CRK: variants seen among roughly 807,000 people sequenced by gnomAD.
CRK encodes the protein adapter molecule crk.
Under a neutral mutation model 29.8 loss-of-function variants are expected in CRK, and 4 were observed. That is an observed-to-expected ratio of 0.13 (90% CI 0.07 to 0.31). The LOEUF is 0.31. Ranked by LOEUF, CRK falls within the 10% of genes least tolerant of loss-of-function variation. CRK has a pLI of 1.00. For missense variants in CRK, 274 were observed against 396.5 expected, an observed-to-expected ratio of 0.69 and a Z score of 2.62; for synonymous variants, 153 against 164.9, an observed-to-expected ratio of 0.93 and a Z score of 0.55.
intron 2 of CRK, among the ~76,000 whole-genome samples, chr17:1,424,073 T>G (rs913062892): frequency 2.7e-5 from 4 of 147,928 alleles, no homozygotes; most frequent in African/African-American, 1.0e-4. Context: ...CTCCGTTTTT[T>G]TTTTTTTTTT....
At chr17:1,423,713 A>C in intron 2 of CRK, 63 bp from the exon 3 acceptor site, 2 of 1,595,926 alleles carry the variant, frequency 1.3e-6, no homozygotes, top group Non-Finnish European at 1.7e-6. Flanking sequence ...GAACAACTCC[A>C]TTCTCTGGTT....
At chr17:1,450,486 TGGGCGACAGAGCGAGATTCTGTCTCAAA>T (rs1312138074) in intron 1 of CRK, among the ~76,000 whole-genome samples, 1 of 147,266 alleles carries the variant, frequency 6.8e-6, no homozygotes, top group Non-Finnish European at 1.5e-5. Flanking sequence ...CGGCCCGGCG[TGGGCGACAGAGCGAGATTCTGTCTCAAA>T]AAAAGAAAAA....
intron 2 of CRK, among the ~76,000 whole-genome samples, chr17:1,430,226 T>C (rs947387479): frequency 1.3e-5 from 2 of 151,762 alleles, no homozygotes; most frequent in African/African-American, 2.4e-5. Context: ...GTCTTTTTCA[T>C]AGAAATGGAG....
At chr17:1,441,243 G>C (rs2073932885) in intron 1 of CRK, among the ~76,000 whole-genome samples, 1 of 151,714 alleles carries the variant, frequency 6.6e-6, no homozygotes, top group Non-Finnish European at 1.5e-5. Flanking sequence ...TTTGTTTTTT[G>C]AGACAGGAGA....
At chr17:1,447,204 G>A (rs1261051211) in intron 1 of CRK, among the ~76,000 whole-genome samples, 1 of 152,102 alleles carries the variant, frequency 6.6e-6, no homozygotes, top group Non-Finnish European at 1.5e-5. Flanking sequence ...GCAGGAAATA[G>A]AAGGGCGGGA....
intron 2 of CRK, among the ~76,000 whole-genome samples, chr17:1,425,167 G>A (rs1465682166): frequency 6.6e-6 from 1 of 151,644 alleles, no homozygotes; most frequent in Non-Finnish European, 1.5e-5. Flanking sequence ...TCAGCTCACT[G>A]CAAGCTCTGC....
At chr17:1,433,511 T>A (rs2073862678) in intron 2 of CRK, among the ~76,000 whole-genome samples, 1 of 99,922 alleles carries the variant, frequency 1.0e-5, no homozygotes. Context: ...ACGCCTGGCT[T>A]TTTTTTTTTT....
intron 1 of CRK, among the ~76,000 whole-genome samples, chr17:1,447,724 T>C (rs2073986108): frequency 6.7e-6 from 1 of 149,402 alleles, no homozygotes; most frequent in South Asian, 2.2e-4. Context: ...CAAGCAATTC[T>C]CCCTTCCTTA....
At chr17:1,455,483 C>G (rs2074048816) in intron 1 of CRK, among the ~76,000 whole-genome samples, 1 of 152,198 alleles carries the variant, frequency 6.6e-6, no homozygotes, top group African/African-American at 2.4e-5. Context: ...CTAAAAGCCA[C>G]TTGTAGGATT....
chr17:1,446,653 G>A (rs554811926), intron 1 of CRK, among the ~76,000 whole-genome samples: 61 of 148,210 alleles, frequency 4.1e-4, no homozygotes, highest in Non-Finnish European at 7.5e-4. Flanking sequence ...CTGCAGTGGC[G>A]CCATCTCGGC....
At chr17:1,427,069 A>T (rs866624886) in intron 2 of CRK, among the ~76,000 whole-genome samples, 1 of 113,230 alleles carries the variant, frequency 8.8e-6, no homozygotes, top group Non-Finnish European at 1.8e-5. Flanking sequence ...AAAAAAAAAA[A>T]AAAGATTCTG....
Position 1,456,183 on chromosome 17 carries a change from G to C in CRK, c.-66C>G. 1.5e-6 allele frequency: 2 copies of C among 1,366,592 alleles called. No homozygotes were observed. The highest frequency in any genetic ancestry group is 1.9e-6 in the Non-Finnish European group (2 of 1,064,500). The allele number at this position is 1,366,592 out of a possible 1,614,324, so 84.7% of individuals were successfully genotyped here. On this transcript the variant is annotated 5_prime_UTR_variant, in exon 1 of 3. Transcript: ENST00000300574. ...CGCGCCCCTCCGGCCCCCGGCGCCCGCCGCCCAGCGGACCGGCTCCGGTTT... is the reference window on the plus strand; with the variant it reads ...CGCGCCCCTCCGGCCCCCGGCGCCCCCCGCCCAGCGGACCGGCTCCGGTTT...
At chr17:1,432,699 C>T (rs2073855556) in intron 2 of CRK, among the ~76,000 whole-genome samples, 1 of 151,062 alleles carries the variant, frequency 6.6e-6, no homozygotes, top group East Asian at 1.9e-4. Flanking sequence ...ATGGCATGAG[C>T]CCAGGAGGCG....
intron 1 of CRK, among the ~76,000 whole-genome samples, chr17:1,442,398 C>A (rs1215749853): frequency 1.3e-5 from 2 of 151,952 alleles, no homozygotes; most frequent in Non-Finnish European, 2.9e-5. Flanking sequence ...GTGATCGGCC[C>A]ACCTTGGCCT....
chr17:1,430,697 T>G (rs970054880), intron 2 of CRK, among the ~76,000 whole-genome samples: 3 of 151,652 alleles, frequency 2.0e-5, no homozygotes, highest in African/African-American at 7.3e-5. Flanking sequence ...AAAGAAAATT[T>G]GTAAGCAATC....
intron 2 of CRK, among the ~76,000 whole-genome samples, chr17:1,427,136 A>T: frequency 6.6e-6 from 1 of 150,472 alleles, no homozygotes; most frequent in East Asian, 1.9e-4. Context: ...GAAAAAAAAA[A>T]AAAAATTAGT....
At position 1,436,932 on chromosome 17, in the gene CRK, T is replaced by C. The variant is rs138712752; in HGVS notation, c.465A>G (p.Lys155=). Residue 155 remains lysine, a synonymous_variant, in exon 2 of 3, where the codon AAA becomes AAG. Transcript: ENST00000300574. ...GNDEEDLPFK[K]GDILRIRDKP... ...TGTCCCGGATTCTCAAGATGTCTCCTTTCTTAAAGGGAAGATCTTCCTCAT... is the reference window on the plus strand; with the variant it reads ...TGTCCCGGATTCTCAAGATGTCTCCCTTCTTAAAGGGAAGATCTTCCTCAT... The C allele has an allele frequency of 3.1e-6, 5 of 1,614,058 alleles. No homozygotes were observed. The highest frequency in any genetic ancestry group is 1.3e-5 in the African/African-American group (1 of 74,936).
chr17:1,449,161 C>T (rs771207676), intron 1 of CRK, among the ~76,000 whole-genome samples: 1 of 152,046 alleles, frequency 6.6e-6, no homozygotes, highest in Non-Finnish European at 1.5e-5. Flanking sequence ...CGTTTTATGC[C>T]CCCCTCCACC....
chr17:1,422,121 T>C lies in CRK; in HGVS notation c.*1392A>G, dbSNP rs1480782289. ...CTCCCCATGAGAAATGAATAATACA[T>C]AAGTAATTCACAATTGGTTCAACAT... On this transcript the variant is annotated 3_prime_UTR_variant, in exon 3 of 3. Transcript: ENST00000300574. The C allele has an allele frequency of 1.3e-5, 2 of 151,718 alleles. No homozygotes were observed. Among genetic ancestry groups the C allele is most frequent in the African/African-American group, 2.4e-5 (1 of 41,368 alleles). The allele number at this position is 151,718 out of a possible 1,614,324, so 9.4% of individuals were successfully genotyped here. A position where few individuals can be genotyped will look rare whatever the true frequency, so the allele number is the denominator to read the frequency against.
Sources: gnomAD v4.1 joint callset for allele counts (sites outside exome capture counted in the v4.1 genomes callset) on GRCh38, gnomAD v4.1.1 for gene constraint, MANE v1.5 for transcripts, NCBI Gene and HGNC (gene_info 2026-07-23, HGNC 2026-07-21) for gene names.